Variants in BMPER observed in about 807,000 individuals in gnomAD.
BMPER encodes the protein BMP binding endothelial regulator, also known as BMP-binding endothelial regulator protein.
In BMPER, 45 loss-of-function variants were observed where a neutral mutation model predicts 87.3. The ratio of observed to expected loss-of-function variants is 0.52; its 90% CI spans 0.41 to 0.66. The LOEUF (loss-of-function observed/expected upper bound fraction) is 0.66. BMPER is among the 30% of genes least tolerant of loss of function. BMPER has a pLI of 0.00. For missense variants in BMPER, 784 were observed against 867.5 expected (o/e 0.90, Z 1.21); for synonymous variants, 326 against 316.2 (o/e 1.03, Z -0.33).
At chr7:33,924,420 C>A (rs1207658803) in intron 2 of BMPER, among the ~76,000 whole-genome samples, 2 of 152,192 alleles carry the variant, frequency 1.3e-5, no homozygotes, top group Non-Finnish European at 2.9e-5. Flanking sequence ...CTACATGGCC[C>A]TGCGCGCTGC....
At chr7:33,925,142 T>C (rs1189687535) in intron 2 of BMPER, among the ~76,000 whole-genome samples, 2 of 152,198 alleles carry the variant, frequency 1.3e-5, no homozygotes, top group Non-Finnish European at 2.9e-5. Context: ...CCCATGTTCA[T>C]TTGTACCCTC....
At chr7:33,979,512 C>A (rs1265672875) in intron 6 of BMPER, among the ~76,000 whole-genome samples, 1 of 152,028 alleles carries the variant, frequency 6.6e-6, no homozygotes, top group Non-Finnish European at 1.5e-5. Context: ...AATGTTGGCA[C>A]CCTTCTTCTT....
intron 3 of BMPER, among the ~76,000 whole-genome samples, chr7:33,942,201 C>A (rs1784786845): frequency 6.6e-6 from 1 of 152,024 alleles, no homozygotes; most frequent in Non-Finnish European, 1.5e-5. Flanking sequence ...AACGGTGTTT[C>A]TCAAAATGTA....
intron 11 of BMPER, among the ~76,000 whole-genome samples, chr7:34,067,912 G>T (rs1788635008): frequency 6.6e-6 from 1 of 152,206 alleles, no homozygotes; most frequent in Non-Finnish European, 1.5e-5. Flanking sequence ...GGAGACTGAA[G>T]TTATTAGGAA....
At chr7:34,107,924 A>C (rs1789865341) in intron 13 of BMPER, among the ~76,000 whole-genome samples, 1 of 152,196 alleles carries the variant, frequency 6.6e-6, no homozygotes, top group Non-Finnish European at 1.5e-5. Context: ...TTATCTATAA[A>C]ATGCATATAA....
chr7:33,971,773 G>T (rs752430139), intron 5 of BMPER, among the ~76,000 whole-genome samples: 5 of 152,128 alleles, frequency 3.3e-5, no homozygotes, highest in Admixed American at 6.5e-5. Flanking sequence ...AGATCTCCCA[G>T]ATAATTTCTG....
intron 2 of BMPER, among the ~76,000 whole-genome samples, chr7:33,915,036 G>C (rs964327989): frequency 2.6e-5 from 4 of 152,160 alleles, no homozygotes; most frequent in African/African-American, 9.7e-5. Flanking sequence ...TGGATCCCCA[G>C]TTGGCAGGAA....
chr7:34,116,166 G>A (rs1279728833), intron 13 of BMPER, among the ~76,000 whole-genome samples: 1 of 152,192 alleles, frequency 6.6e-6, no homozygotes, highest in Non-Finnish European at 1.5e-5. Flanking sequence ...AAAAAATGGG[G>A]TCGAATGTAA....
In BMPER at chr7:34,113,800, C is replaced by T. The variant is rs76025814; in HGVS notation, c.1745+27708C>T. On this transcript the variant is annotated intron_variant, in intron 13 of 14. Coordinates refer to ENST00000649409, the MANE Select transcript of BMPER (RefSeq NM_001365308.1). ...GTTATCTTCGCAACATGGCCTGGGACATTGTTTGGTGAGGGGTGTAATTAC... is the reference window on the plus strand; with the variant it reads ...GTTATCTTCGCAACATGGCCTGGGATATTGTTTGGTGAGGGGTGTAATTAC... Among the ~76,000 whole-genome samples the T allele has an allele frequency of 4.8e-3, 731 of 152,172 alleles. 6 individuals are homozygous for T. Among genetic ancestry groups the T allele is most frequent in the African/African-American group, 0.016 (653 of 41,534 alleles).
intron 3 of BMPER, among the ~76,000 whole-genome samples, chr7:33,953,868 T>G (rs1358344057): frequency 6.6e-6 from 1 of 152,222 alleles, no homozygotes. Flanking sequence ...TTGCCTGTTC[T>G]AGGTACCGCA....
intron 3 of BMPER, among the ~76,000 whole-genome samples, chr7:33,949,355 C>A (rs894231655): frequency 3.3e-5 from 5 of 152,326 alleles, no homozygotes; most frequent in Admixed American, 1.3e-4. Context: ...ACCCCAGCGA[C>A]TTTGTCCTGG....
chr7:33,983,590 A>G (rs1050022619), intron 6 of BMPER, among the ~76,000 whole-genome samples: 1 of 152,174 alleles, frequency 6.6e-6, no homozygotes, highest in Non-Finnish European at 1.5e-5. Flanking sequence ...AAAACAAACA[A>G]ACAAACAAAA....
At chr7:33,925,106 C>T (rs904929702) in intron 2 of BMPER, among the ~76,000 whole-genome samples, 1 of 152,218 alleles carries the variant, frequency 6.6e-6, no homozygotes, top group African/African-American at 2.4e-5. Flanking sequence ...CCTGCTAGAA[C>T]GTCAGCCCTG....
At chr7:33,940,481 C>T (rs1024754002) in intron 3 of BMPER, among the ~76,000 whole-genome samples, 5 of 152,180 alleles carry the variant, frequency 3.3e-5, no homozygotes, top group African/African-American at 1.2e-4. Flanking sequence ...ATTCCCTGAG[C>T]CCCTCAGATC....
At chr7:33,910,914 A>G (rs1266352457) in intron 2 of BMPER, among the ~76,000 whole-genome samples, 3 of 152,210 alleles carry the variant, frequency 2.0e-5, no homozygotes, top group Admixed American at 6.5e-5. Flanking sequence ...ATAGATATCT[A>G]TTATCTAAAC....
intron 6 of BMPER, among the ~76,000 whole-genome samples, chr7:34,009,913 AT>A: frequency 6.6e-6 from 1 of 151,938 alleles, no homozygotes; most frequent in East Asian, 1.9e-4. Flanking sequence ...ACCGTCTTAT[AT>A]TTTTGTTGAA....
intron 2 of BMPER, among the ~76,000 whole-genome samples, chr7:33,923,924 C>T (rs1784295929): frequency 6.6e-6 from 1 of 152,192 alleles, no homozygotes; most frequent in Admixed American, 6.5e-5. Context: ...CAATTTTATA[C>T]AGATCCATTG....
intron 6 of BMPER, among the ~76,000 whole-genome samples, chr7:33,981,156 C>G (rs1785846682): frequency 6.6e-6 from 1 of 152,144 alleles, no homozygotes; most frequent in African/African-American, 2.4e-5. Context: ...AGGGAGGACT[C>G]CCACCAGCAA....
intron 6 of BMPER, among the ~76,000 whole-genome samples, chr7:33,980,219 T>G (rs533633294): frequency 6.6e-6 from 1 of 152,334 alleles, no homozygotes; most frequent in East Asian, 1.9e-4. Flanking sequence ...GAATCACTTC[T>G]TCAGAGTCCC....
Sources: gnomAD v4.1 joint callset for allele counts (sites outside exome capture counted in the v4.1 genomes callset) on GRCh38, gnomAD v4.1.1 for gene constraint, MANE v1.5 for transcripts, NCBI Gene and HGNC (gene_info 2026-07-23, HGNC 2026-07-21) for gene names.